The following GRXCR1 variants were observed in gnomAD, a reference collection of about 807,000 sequenced individuals.
The protein encoded by GRXCR1 is glutaredoxin and cysteine rich domain containing 1, also known as glutaredoxin domain-containing cysteine-rich protein 1.
GRXCR1 carries 27 observed loss-of-function variants against 27.3 expected under a neutral mutation model. That is an observed-to-expected ratio of 0.99 (90% CI 0.73 to 1.37). The LOEUF (loss-of-function observed/expected upper bound fraction) is 1.37, where lower values mean the gene tolerates loss of function less well. Among genes scored for constraint, GRXCR1 ranks in the 40% most tolerant of loss-of-function variants. The pLI is 0.00. For missense variants in GRXCR1, 379 were observed against 354.4 expected, an observed-to-expected ratio of 1.07 and a Z score of -0.56; for synonymous variants, 122 against 131.1, an observed-to-expected ratio of 0.93 and a Z score of 0.47.
At chr4:42,897,633 T>C (rs1473651660) in intron 1 of GRXCR1, among the ~76,000 whole-genome samples, 2 of 151,832 alleles carry the variant, frequency 1.3e-5, no homozygotes, top group Non-Finnish European at 2.9e-5. Context: ...TGGAAAAACC[T>C]AAGGACTCAT....
chr4:42,964,594 C>A (rs1287634689), intron 2 of GRXCR1, among the ~76,000 whole-genome samples: 1 of 151,932 alleles, frequency 6.6e-6, no homozygotes, highest in Non-Finnish European at 1.5e-5. Context: ...ACATTAATTC[C>A]TTTGCTCCAA....
chr4:42,943,010 G>C (rs1747659367), intron 1 of GRXCR1, among the ~76,000 whole-genome samples: 1 of 152,012 alleles, frequency 6.6e-6, no homozygotes, highest in African/African-American at 2.4e-5. Context: ...AAGCCACAAA[G>C]CCCTTAATGG....
chr4:42,971,351 C>T (rs1024506428), intron 2 of GRXCR1, among the ~76,000 whole-genome samples: 5 of 152,254 alleles, frequency 3.3e-5, no homozygotes, highest in Non-Finnish European at 2.9e-5. Flanking sequence ...TGCTCCACTA[C>T]CAGTACCAAT....
At chr4:43,007,747 G>T (rs548254113) in intron 2 of GRXCR1, among the ~76,000 whole-genome samples, 1 of 152,188 alleles carries the variant, frequency 6.6e-6, no homozygotes, top group African/African-American at 2.4e-5. Flanking sequence ...AGAATATTTG[G>T]TAGTGCCATT....
intron 2 of GRXCR1, among the ~76,000 whole-genome samples, chr4:42,987,236 TATATAATATATAATATATATATATA>T (rs1325738928): frequency 1.4e-5 from 1 of 70,804 alleles, no homozygotes; most frequent in Non-Finnish European, 3.0e-5. Flanking sequence ...ATATTATATA[TATATAATATATAATATATATATATA>T]ATATATATAT....
At chr4:43,016,642 TG>T (rs1278876832) in intron 2 of GRXCR1, among the ~76,000 whole-genome samples, 2 of 152,000 alleles carry the variant, frequency 1.3e-5, no homozygotes, top group Non-Finnish European at 2.9e-5. Flanking sequence ...TTTGTGTGTG[TG>T]TGTGTGTGTG....
chr4:42,965,401 C>T (rs536984740), intron 2 of GRXCR1, among the ~76,000 whole-genome samples: 1 of 152,120 alleles, frequency 6.6e-6, no homozygotes, highest in Non-Finnish European at 1.5e-5. Flanking sequence ...ATGGCAAACA[C>T]TCCAAAACAA....
intron 1 of GRXCR1, among the ~76,000 whole-genome samples, chr4:42,938,879 T>TG (rs1408710564): frequency 1.3e-5 from 2 of 151,842 alleles, no homozygotes; most frequent in African/African-American, 2.4e-5. Context: ...TTTTTTTTTT[T>TG]GCCAGTACCA....
At chr4:42,986,918 T>C (rs1250787258) in intron 2 of GRXCR1, among the ~76,000 whole-genome samples, 1 of 151,620 alleles carries the variant, frequency 6.6e-6, no homozygotes, top group Non-Finnish European at 1.5e-5. Flanking sequence ...AAACATTGAG[T>C]ACCTTCTGTG....
Position 42,962,898 on chromosome 4 carries a change from T to C in GRXCR1, c.391T>C (p.Ser131Pro). ...NNLTKVLQQP[S>P]TDLEFDRVVI... is the part of the protein sequence containing the mutation. Reference sequence around the variant, plus strand: ...CTCAATGTTTTCCCTTCAGCAACCATCAACTGATCTAGAATTTGACCGTGT... The same window carrying C: ...CTCAATGTTTTCCCTTCAGCAACCACCAACTGATCTAGAATTTGACCGTGT... The change falls in exon 2 of 4, where the codon TCA (serine) becomes CCA (proline). Residue 131 changes from serine (S) to proline (P), a missense_variant. Coordinates refer to ENST00000399770, the MANE Select transcript of GRXCR1 (RefSeq NM_001080476.3). The C allele has an allele frequency of 6.2e-7, 1 of 1,612,570 alleles. No homozygotes were observed. The highest frequency in any genetic ancestry group is 1.1e-5 in the South Asian group (1 of 91,052).
intron 1 of GRXCR1, among the ~76,000 whole-genome samples, chr4:42,948,346 T>C (rs1347828153): frequency 6.6e-6 from 1 of 152,154 alleles, no homozygotes. Flanking sequence ...TTTAATGCAC[T>C]TGTTTCTTTT....
chr4:42,923,186 T>C (rs1051814624), intron 1 of GRXCR1, among the ~76,000 whole-genome samples: 3 of 152,150 alleles, frequency 2.0e-5, no homozygotes, highest in Admixed American at 2.0e-4. Flanking sequence ...GAGATAGCCC[T>C]GCCTTCCCAG....
intron 1 of GRXCR1, among the ~76,000 whole-genome samples, chr4:42,931,782 T>C (rs926562743): frequency 6.6e-6 from 1 of 151,944 alleles, no homozygotes; most frequent in Admixed American, 6.6e-5. Context: ...ATATGATACC[T>C]TGTTATCAAC....
intron 2 of GRXCR1, among the ~76,000 whole-genome samples, chr4:42,980,487 T>C (rs1748633710): frequency 3.3e-5 from 5 of 152,050 alleles, no homozygotes; most frequent in Admixed American, 3.3e-4. Context: ...TTTTATATCA[T>C]TGTAGTCAAG....
chr4:42,926,166 A>G (rs1049531999), intron 1 of GRXCR1, among the ~76,000 whole-genome samples: 4 of 152,006 alleles, frequency 2.6e-5, no homozygotes, highest in African/African-American at 9.7e-5. Flanking sequence ...GATTTCATAA[A>G]CTCAAGCAAT....
At chr4:42,976,822 CTATT>C (rs1441245624) in intron 2 of GRXCR1, among the ~76,000 whole-genome samples, 1 of 151,874 alleles carries the variant, frequency 6.6e-6, no homozygotes, top group African/African-American at 2.4e-5. Flanking sequence ...TGTGGGGAGA[CTATT>C]TAATATTCAC....
At chr4:42,990,528 C>T (rs1711939375) in intron 2 of GRXCR1, among the ~76,000 whole-genome samples, 1 of 151,982 alleles carries the variant, frequency 6.6e-6, no homozygotes, top group Non-Finnish European at 1.5e-5. Context: ...AAATTATTTT[C>T]ATAGTATATT....
At chr4:42,903,996 C>T (rs1400380603) in intron 1 of GRXCR1, among the ~76,000 whole-genome samples, 6 of 152,236 alleles carry the variant, frequency 3.9e-5, no homozygotes, top group African/African-American at 1.2e-4. Flanking sequence ...GAACATAATT[C>T]GCCTTGATGT....
Position 42,963,041 on chromosome 4 carries a change from T to G in GRXCR1, c.534T>G (p.Asn178Lys). Residue 178 changes from asparagine (N) to lysine (K), a missense_variant, in exon 2 of 4, where the codon AAT (asparagine) becomes AAG (lysine). By Grantham distance (94) the Asn-to-Lys change is moderately conservative. Coordinates refer to ENST00000399770, the MANE Select transcript of GRXCR1 (RefSeq NM_001080476.3). ...VKFEEKNIAL[N>K]GEYGKELDER... ...TTGAAGAGAAAAACATAGCCCTGAA[T>G]GGTGAATATGGAAAAGAGTTAGACG... The G allele has an allele frequency of 6.2e-7, 1 of 1,612,824 alleles. No homozygotes were observed. Among genetic ancestry groups the G allele is most frequent in the Non-Finnish European group, 8.5e-7 (1 of 1,179,090 alleles).
Sources: allele counts gnomAD v4.1 joint callset (sites outside exome capture counted in the v4.1 genomes callset), GRCh38; gene constraint gnomAD v4.1.1; transcripts MANE v1.5; gene names NCBI Gene and HGNC (gene_info 2026-07-23, HGNC 2026-07-21).